Variants in POLR3B observed in about 807,000 individuals in gnomAD.
POLR3B encodes the protein DNA-directed RNA polymerase III subunit RPC2.
A neutral mutation model predicts 147.4 loss-of-function variants in POLR3B; 96 were observed. The ratio of observed to expected loss-of-function variants is 0.65; its 90% confidence interval spans 0.55 to 0.77. POLR3B has a LOEUF of 0.77. POLR3B is among the 30% of genes least tolerant of loss of function. The pLI is 0.00. For synonymous variants in POLR3B, 461 were observed against 485.9 expected, an observed-to-expected ratio of 0.95 and a Z score of 0.67; for missense variants, 1,036 against 1,413.5, an observed-to-expected ratio of 0.73 and a Z score of 4.28.
chr12:106,424,506 A>G (rs2037411765), intron 12 of POLR3B, among the ~76,000 whole-genome samples: 5 of 152,128 alleles, frequency 3.3e-5, no homozygotes, highest in Admixed American at 2.6e-4. Flanking sequence ...TAACATTTTC[A>G]TCCTGGTCCA....
intron 4 of POLR3B, among the ~76,000 whole-genome samples, chr12:106,368,862 A>G (rs2036565584): frequency 1.3e-5 from 2 of 150,910 alleles, no homozygotes; most frequent in African/African-American, 4.9e-5. Context: ...TTTCCGCTTT[A>G]TCCTTTTCAT....
chr12:106,430,673 T>C (rs2037498423), intron 14 of POLR3B, among the ~76,000 whole-genome samples, 200 bp downstream of exon 14: 1 of 152,198 alleles, frequency 6.6e-6, no homozygotes, highest in Non-Finnish European at 1.5e-5. Context: ...GCAGAAGCAT[T>C]TGATTCAGTA....
chr12:106,454,230 C>T (rs1035788651), intron 19 of POLR3B, among the ~76,000 whole-genome samples: 1 of 152,098 alleles, frequency 6.6e-6, no homozygotes, highest in African/African-American at 2.4e-5. Flanking sequence ...CTAAATCCCT[C>T]AAATGGGATA....
At chr12:106,361,631 C>T (rs2036470805) in intron 1 of POLR3B, among the ~76,000 whole-genome samples, 3 of 152,116 alleles carry the variant, frequency 2.0e-5, no homozygotes. Flanking sequence ...TGAAAGAGCC[C>T]ACATTTGGAA....
chr12:106,371,454 A>G (rs1220641880), intron 6 of POLR3B, among the ~76,000 whole-genome samples: 2 of 137,026 alleles, frequency 1.5e-5, no homozygotes, highest in Non-Finnish European at 3.3e-5. Context: ...TACCCAAAGG[A>G]CTATAAATCA....
chr12:106,390,233 A>AG (rs1433698775), intron 9 of POLR3B, among the ~76,000 whole-genome samples: 1 of 147,512 alleles, frequency 6.8e-6, no homozygotes, highest in Non-Finnish European at 1.5e-5. Flanking sequence ...AAAAAAAAAA[A>AG]GCAAAACAAA....
rs1356140662 is a variant in POLR3B, at chr12:106,509,219, C to G, written c.3273-201C>G. ...CACTGGAGGGAATGGTGTTTGTTTC[C>G]TCTTTTCTTTTGCTTCCTTGGATGT... On this transcript the variant is annotated intron_variant, in intron 27 of 27. Coordinates refer to ENST00000228347, the MANE Select transcript of POLR3B (RefSeq NM_018082.6). Among the ~76,000 whole-genome samples the G allele has an allele frequency of 5.3e-5, 8 of 152,112 alleles. No individual in the cohort carries two copies. In the East Asian group the frequency reaches 1.5e-3, roughly 29 times the overall value.
chr12:106,435,289 A>C (rs1189036733), intron 16 of POLR3B, among the ~76,000 whole-genome samples: 3 of 147,124 alleles, frequency 2.0e-5, no homozygotes, highest in Non-Finnish European at 4.5e-5. Context: ...GATTACAGGC[A>C]CACACCACTG....
Position 106,406,126 on chromosome 12 carries a change from C to T in POLR3B, c.966+150C>T, listed in dbSNP as rs2037148040. The T allele has an allele frequency of 4.4e-5, 33 of 754,696 alleles. No homozygotes were observed. In the South Asian group the frequency reaches 5.2e-4, roughly 12 times the overall value. 46.7% of individuals were successfully genotyped at this position (754,696 alleles called of 1,614,324 possible). Reference sequence around the variant, plus strand: ...TACTGCCCCATCAGAAATAACCTTCCATTATCAGCAGTTTGTTTATACTCG... The same window carrying T: ...TACTGCCCCATCAGAAATAACCTTCTATTATCAGCAGTTTGTTTATACTCG... On this transcript the variant is annotated intron_variant, in intron 11 of 27. Coordinates refer to ENST00000228347, the MANE Select transcript of POLR3B (RefSeq NM_018082.6).
At chr12:106,494,362 A>C (rs1489743021) in intron 23 of POLR3B, among the ~76,000 whole-genome samples, 2 of 152,150 alleles carry the variant, frequency 1.3e-5, no homozygotes, top group Non-Finnish European at 2.9e-5. Flanking sequence ...AGCAGACGCC[A>C]GCCTCCTCCT....
At chr12:106,424,722 G>C (rs1295726253) in intron 12 of POLR3B, among the ~76,000 whole-genome samples, 1 of 151,866 alleles carries the variant, frequency 6.6e-6, no homozygotes, top group African/African-American at 2.4e-5. Context: ...ATAAACTTAG[G>C]AATTTTAACA....
At chr12:106,476,163 ATTCTT>A (rs1269628865) in intron 23 of POLR3B, among the ~76,000 whole-genome samples, 3 of 111,788 alleles carry the variant, frequency 2.7e-5, no homozygotes, top group Admixed American at 9.4e-5. Context: ...TGGGTTGAAA[ATTCTT>A]TTCTTTAAGA....
At chr12:106,400,902 C>T (rs1593019934) in intron 10 of POLR3B, among the ~76,000 whole-genome samples, 1 of 152,118 alleles carries the variant, frequency 6.6e-6, no homozygotes, top group Non-Finnish European at 1.5e-5. Flanking sequence ...ACCCTAACAT[C>T]ACAATTAAAA....
intron 23 of POLR3B, among the ~76,000 whole-genome samples, chr12:106,477,455 C>G (rs2038190124): frequency 1.4e-5 from 2 of 141,978 alleles, no homozygotes; most frequent in South Asian, 4.6e-4. Flanking sequence ...GGGCGCCCCT[C>G]CCCCAGCCTC....
rs139376910 is a variant in POLR3B at position 106,437,697 on chromosome 12, T to C, written c.1873T>C (p.Leu625=). The C allele has an allele frequency of 2.2e-3, 3,572 of 1,595,220 alleles. 6 individuals carry two copies. The highest frequency in any genetic ancestry group is 2.8e-3 in the Non-Finnish European group (3,259 of 1,163,036). The change falls in exon 18 of 28, where the codon TTA becomes CTA. Residue 625 remains leucine, a synonymous_variant. Transcript: ENST00000228347. Reference sequence around the variant, plus strand: ...TTTTCCCAGGAATTTTGAAGATTTCTTACATGAGAGTCTGGTTGAATATTT... The same window carrying C: ...TTTTCCCAGGAATTTTGAAGATTTCCTACATGAGAGTCTGGTTGAATATTT... The part of the protein sequence containing the change: ...AQGYRNFEDF[L]HESLVEYLDV...
At chr12:106,479,829 C>CTTTTCTTTTCTTTTCTTTTCTTTTT (rs2038241987) in intron 23 of POLR3B, among the ~76,000 whole-genome samples, 1 of 132,514 alleles carries the variant, frequency 7.5e-6, no homozygotes, top group Non-Finnish European at 1.6e-5. Context: ...CTTTTCTTTT[C>CTTTTCTTTTCTTTTCTTTTCTTTTT]ACAGTATCTT....
intron 6 of POLR3B, among the ~76,000 whole-genome samples, chr12:106,370,921 C>T (rs1377854803): frequency 2.6e-5 from 4 of 152,084 alleles, no homozygotes; most frequent in African/African-American, 9.7e-5. Flanking sequence ...CGTGAGCCAC[C>T]GCGCCTGGCC....
In POLR3B at chr12:106,507,173, A is replaced by G. The variant is rs11831070; in HGVS notation, c.3273-2247A>G. ...TAGCTCATAGAGGATGTTTCACTGG[A>G]CAGTCATTTCTCGTGTGAAGCCACA... On this transcript the variant is annotated intron_variant, in intron 27 of 27. Coordinates refer to ENST00000228347, the MANE Select transcript of POLR3B (RefSeq NM_018082.6). 5.1e-3 allele frequency among the ~76,000 whole-genome samples: 784 copies of G among 152,316 alleles called. 7 individuals are homozygous for G. The highest frequency in any genetic ancestry group is 0.018 in the African/African-American group (740 of 41,564).
At chr12:106,505,155 C>T (rs894854556) in intron 27 of POLR3B, among the ~76,000 whole-genome samples, 4 of 152,162 alleles carry the variant, frequency 2.6e-5, no homozygotes, top group African/African-American at 7.2e-5. Flanking sequence ...TGTGCAGTTG[C>T]ACCACCTTTC....
Sources: allele counts gnomAD v4.1 joint callset (sites outside exome capture counted in the v4.1 genomes callset), GRCh38; gene constraint gnomAD v4.1.1; transcripts MANE v1.5; gene names NCBI Gene and HGNC (gene_info 2026-07-23, HGNC 2026-07-21).